Variants in NEK10 observed in about 807,000 individuals in gnomAD.
NEK10 encodes the protein serine/threonine-protein kinase Nek10.
NEK10 carries 122 observed loss-of-function variants against 159.8 expected under a neutral mutation model. The ratio of observed to expected loss-of-function variants is 0.76; its 90% CI spans 0.66 to 0.89. NEK10 has a LOEUF of 0.89. Among genes scored for constraint, NEK10 ranks in the 40% least tolerant of loss-of-function variants. The pLI, the probability that NEK10 is intolerant of heterozygous loss-of-function variation, is 0.00. For synonymous variants in NEK10, 466 were observed against 457.1 expected, an observed-to-expected ratio of 1.02 and a Z score of -0.25; for missense variants, 1,342 against 1,323.1, an observed-to-expected ratio of 1.01 and a Z score of -0.22.
chr3:27,111,759 A>T (rs1370903447), intron 35 of NEK10, among the ~76,000 whole-genome samples: 1 of 152,196 alleles, frequency 6.6e-6, no homozygotes, highest in African/African-American at 2.4e-5. Flanking sequence ...AAGTATATTC[A>T]TAAAGATTAT....
At chr3:27,136,174 G>T (rs190014937) in intron 31 of NEK10, among the ~76,000 whole-genome samples, 1 of 135,106 alleles carries the variant, frequency 7.4e-6, no homozygotes, top group Non-Finnish European at 1.5e-5. Flanking sequence ...GTGCAGTGGC[G>T]CCATCTCATC....
chr3:27,327,650 T>G (rs1215287913), intron 5 of NEK10, among the ~76,000 whole-genome samples: 1 of 152,218 alleles, frequency 6.6e-6, no homozygotes, highest in Non-Finnish European at 1.5e-5. Context: ...GCTGTGCTAT[T>G]ATAATGAAGC....
intron 5 of NEK10, among the ~76,000 whole-genome samples, chr3:27,342,762 C>T (rs752508028): frequency 6.6e-6 from 1 of 151,872 alleles, no homozygotes; most frequent in Non-Finnish European, 1.5e-5. Context: ...AAGTATTGAC[C>T]CAATAAATAG....
chr3:27,211,425 TTC>T (rs950107702), intron 23 of NEK10, among the ~76,000 whole-genome samples: 4 of 152,162 alleles, frequency 2.6e-5, no homozygotes, highest in Non-Finnish European at 5.9e-5. Flanking sequence ...TTCTGAGGAG[TTC>T]TGAGTGGACA....
At chr3:27,314,646 C>T (rs999176144) in intron 6 of NEK10, among the ~76,000 whole-genome samples, 1 of 152,184 alleles carries the variant, frequency 6.6e-6, no homozygotes, top group African/African-American at 2.4e-5. Flanking sequence ...AGCCATTAGA[C>T]ACCATTTCAT....
intron 22 of NEK10, among the ~76,000 whole-genome samples, chr3:27,265,882 C>T (rs1259275531): frequency 6.7e-6 from 1 of 148,326 alleles, no homozygotes; most frequent in Non-Finnish European, 1.5e-5. Flanking sequence ...TCTCGGCTTA[C>T]TGCAAGCTCC....
chr3:27,160,020 T>C (rs1181602685), intron 30 of NEK10, among the ~76,000 whole-genome samples: 9 of 151,926 alleles, frequency 5.9e-5, no homozygotes, highest in Non-Finnish European at 1.3e-4. Flanking sequence ...CTGTAAATGT[T>C]GGTTATGCAT....
At chr3:27,232,570 T>C (rs1953419818) in intron 23 of NEK10, among the ~76,000 whole-genome samples, 1 of 151,806 alleles carries the variant, frequency 6.6e-6, no homozygotes, top group Admixed American at 6.6e-5. Context: ...AATCCTAAAA[T>C]TCATATGGAA....
chr3:27,182,765 G>C (rs947929236), intron 26 of NEK10, among the ~76,000 whole-genome samples: 2 of 152,048 alleles, frequency 1.3e-5, no homozygotes, highest in African/African-American at 4.8e-5. Context: ...ATGAACTCTT[G>C]TCATTTTCAA....
At chr3:27,318,538 CA>C (rs1308020345) in intron 6 of NEK10, among the ~76,000 whole-genome samples, 1 of 152,172 alleles carries the variant, frequency 6.6e-6, no homozygotes, top group Non-Finnish European at 1.5e-5. Flanking sequence ...CATAAGAATA[CA>C]CAAGTACACA....
At chr3:27,229,537 T>C (rs1189703914) in intron 23 of NEK10, among the ~76,000 whole-genome samples, 1 of 152,046 alleles carries the variant, frequency 6.6e-6, no homozygotes, top group Non-Finnish European at 1.5e-5. Flanking sequence ...TCTGAAATGC[T>C]AGATAAAGAA....
chr3:27,313,338 T>C (rs2044865339), intron 7 of NEK10, among the ~76,000 whole-genome samples: 1 of 152,006 alleles, frequency 6.6e-6, no homozygotes, highest in Non-Finnish European at 1.5e-5. Context: ...TCTGAGTTGC[T>C]CAGTATATAT....
chr3:27,132,164 CAGA>C (rs1942697536), intron 31 of NEK10, among the ~76,000 whole-genome samples, 174 bp from the exon 32 acceptor site: 1 of 152,142 alleles, frequency 6.6e-6, no homozygotes. Flanking sequence ...CCCTGCGATT[CAGA>C]AGGAATATAT....
chr3:27,131,934 T>C lies in NEK10; in HGVS notation c.3027A>G (p.Lys1009=), dbSNP rs765235222. The change falls in exon 32 of 36, where the codon AAA becomes AAG. Residue 1009 remains lysine (K), a synonymous_variant. Coordinates refer to ENST00000691995, the MANE Select transcript of NEK10 (RefSeq NM_001394966.1). ...LKRRVIERFK[K]SLFSQQSNPC... ...GGTTACTCTGCTGGCTGAAGAGGGATTTCTTGAATCTCTCTATAACCCTTC... is the reference window on the plus strand; with the variant it reads ...GGTTACTCTGCTGGCTGAAGAGGGACTTCTTGAATCTCTCTATAACCCTTC... 3 of 1,609,696 alleles carry C rather than the reference T, an allele frequency of 1.9e-6. No homozygotes were observed. Among genetic ancestry groups the C allele is most frequent in the Non-Finnish European group, 2.5e-6 (3 of 1,177,086 alleles).
intron 5 of NEK10, among the ~76,000 whole-genome samples, chr3:27,331,009 G>A (rs1027191871): frequency 6.6e-6 from 1 of 152,068 alleles, no homozygotes; most frequent in Non-Finnish European, 1.5e-5. Flanking sequence ...GCCGAAGTGG[G>A]CGGATCACCT....
intron 22 of NEK10, among the ~76,000 whole-genome samples, chr3:27,275,377 T>C (rs997384514): frequency 6.6e-6 from 1 of 152,226 alleles, no homozygotes; most frequent in African/African-American, 2.4e-5. Context: ...ACAAGGCAAC[T>C]GTGATAACTT....
chr3:27,328,993 T>C (rs2046210710), intron 5 of NEK10, among the ~76,000 whole-genome samples: 1 of 152,220 alleles, frequency 6.6e-6, no homozygotes, highest in South Asian at 2.1e-4. Context: ...GAGAGTGATA[T>C]GGATTGGCTG....
chr3:27,146,496 C>CT (rs1447756560), intron 30 of NEK10, among the ~76,000 whole-genome samples: 1 of 152,138 alleles, frequency 6.6e-6, no homozygotes, highest in Non-Finnish European at 1.5e-5. Context: ...GAATGGGGGG[C>CT]CAAAACACAC....
At chr3:27,297,890 C>T (rs890023806) in intron 13 of NEK10, among the ~76,000 whole-genome samples, 4 of 152,306 alleles carry the variant, frequency 2.6e-5, no homozygotes, top group Middle Eastern at 3.4e-3. Context: ...CTCTATAGCA[C>T]AGAGCTCCTA....
Sources: gnomAD v4.1 joint callset for allele counts (sites outside exome capture counted in the v4.1 genomes callset) on GRCh38, gnomAD v4.1.1 for gene constraint, MANE v1.5 for transcripts, NCBI Gene and HGNC (gene_info 2026-07-23, HGNC 2026-07-21) for gene names.